TMPRSS15: variants seen among roughly 807,000 people sequenced by gnomAD.
TMPRSS15 encodes enteropeptidase.
In TMPRSS15, 128 loss-of-function variants were observed where a neutral mutation model predicts 125.3. The observed-to-expected ratio is 1.02, with a 90% CI of 0.89 to 1.18. The LOEUF (loss-of-function observed/expected upper bound fraction) is 1.18. Among genes scored for constraint, TMPRSS15 ranks in the 50% most tolerant of loss-of-function variants. The probability of loss-of-function intolerance (pLI) is 0.00; values close to 1 mark genes in which losing one functional copy is unlikely to be tolerated. For synonymous variants in TMPRSS15, 446 were observed against 423.2 expected, an observed-to-expected ratio of 1.05 and a Z score of -0.66; for missense variants, 1,283 against 1,212.7, an observed-to-expected ratio of 1.06 and a Z score of -0.86.
intron 1 of TMPRSS15, among the ~76,000 whole-genome samples, chr21:18,481,770 G>C (rs1317873276): frequency 6.6e-6 from 1 of 151,354 alleles, no homozygotes; most frequent in Non-Finnish European, 1.5e-5. Context: ...TCTTTGCATA[G>C]CAATAATAGG....
At position 18,297,821 on chromosome 21, in the gene TMPRSS15, T is replaced by A. The variant is rs2074924402; in HGVS notation, c.2174A>T (p.Asn725Ile). 1 of 1,610,950 alleles carries A rather than the reference T, an allele frequency of 6.2e-7. No individual in the cohort carries two copies. The highest frequency in any genetic ancestry group is 8.5e-7 in the Non-Finnish European group (1 of 1,177,454). The change falls in exon 19 of 25, where the codon AAC becomes ATC. Residue 725 changes from asparagine to isoleucine, a missense_variant. By Grantham distance (149) the Asn-to-Ile change is moderately radical (BLOSUM62 -3). Coordinates refer to ENST00000284885, the MANE Select transcript of TMPRSS15 (RefSeq NM_002772.3). ...VCQLLGLGSGNSSKPIFPTDG... is the reference protein window; with the variant it reads ...VCQLLGLGSGISSKPIFPTDG... The stretch of plus-strand genomic sequence containing the variant: ...GGTAGGGAAGATTGGCTTTGATGAG[T>A]TTCCACTCCTAGAGAAAAAAGAAAA...
At position 18,372,098 on chromosome 21, in the gene TMPRSS15, ATGTGTGTG is replaced by A. The variant is rs56932398; in HGVS notation, c.664+87_664+94del. ...GTAGTTTCAGGTATTTGAGATTAGA[ATGTGTGTG>A]TGTGTGTGTGTGTGTGTGTGTGTGT... On this transcript the variant is annotated intron_variant, in intron 6 of 24. Transcript: ENST00000284885. The A allele has an allele frequency of 7.5e-4, 404 of 538,692 alleles. 1 individual carries two copies. Among genetic ancestry groups the A allele is most frequent in the African/African-American group, 2.2e-3 (104 of 48,198 alleles). The allele number at this position is 538,692 out of a possible 1,614,324, so 33.4% of individuals were successfully genotyped here.
intron 2 of TMPRSS15, 55 bp from the exon 3 acceptor site, chr21:18,398,001 G>T: frequency 7.5e-7 from 1 of 1,324,926 alleles, no homozygotes; most frequent in Non-Finnish European, 1.1e-6. Flanking sequence ...TTTAACTTTT[G>T]TTGAAAAATT....
chr21:18,383,066 C>T (rs529094800), intron 4 of TMPRSS15, among the ~76,000 whole-genome samples: 12 of 152,188 alleles, frequency 7.9e-5, no homozygotes, highest in Admixed American at 6.6e-4. Context: ...AGAAATCGGA[C>T]CTTGCCACTG....
At chr21:18,377,084 C>T (rs1222182083) in intron 5 of TMPRSS15, among the ~76,000 whole-genome samples, 4 of 151,976 alleles carry the variant, frequency 2.6e-5, no homozygotes, top group Non-Finnish European at 4.4e-5. Context: ...TAGTATCTTG[C>T]CGTATGAGAG....
intron 1 of TMPRSS15, among the ~76,000 whole-genome samples, chr21:18,437,012 G>T (rs1322387135): frequency 7.9e-6 from 1 of 126,316 alleles, no homozygotes; most frequent in Non-Finnish European, 1.7e-5. Context: ...AGCCCGCATC[G>T]CCAAGTCAAT....
chr21:18,464,108 G>T (rs1227650490), intron 1 of TMPRSS15, among the ~76,000 whole-genome samples: 1 of 147,484 alleles, frequency 6.8e-6, no homozygotes, highest in Admixed American at 6.9e-5. Flanking sequence ...GGGAGGCAGA[G>T]CTTGCAGTGA....
chr21:18,285,898 T>C (rs888847059), intron 21 of TMPRSS15, among the ~76,000 whole-genome samples: 3 of 152,228 alleles, frequency 2.0e-5, no homozygotes, highest in Non-Finnish European at 4.4e-5. Context: ...TAATTTTTCT[T>C]CCTTTTCATG....
In TMPRSS15 at chr21:18,388,370, A is replaced by G. The variant is rs556097761; in HGVS notation, c.345-4592T>C. Reference sequence around the variant, plus strand: ...GGTGATTTTGTCATCTAGAGAAATAAAAGATTACTTACTAAATATCAGAAA... The same window carrying G: ...GGTGATTTTGTCATCTAGAGAAATAGAAGATTACTTACTAAATATCAGAAA... On this transcript the variant is annotated intron_variant, in intron 3 of 24. Transcript: ENST00000284885. Among the ~76,000 whole-genome samples, 29 of 152,318 alleles carry G rather than the reference A, an allele frequency of 1.9e-4. 1 individual carries two copies. In the South Asian group the frequency reaches 5.4e-3, roughly 28 times the overall value.
At chr21:18,282,052 T>G (rs1273093264) in intron 21 of TMPRSS15, among the ~76,000 whole-genome samples, 1 of 130,126 alleles carries the variant, frequency 7.7e-6, no homozygotes, top group Non-Finnish European at 1.5e-5. Flanking sequence ...GAGCCGAGAT[T>G]GCGCCACTGC....
intron 1 of TMPRSS15, among the ~76,000 whole-genome samples, chr21:18,402,267 C>T (rs2076101754): frequency 2.0e-5 from 3 of 152,124 alleles, no homozygotes; most frequent in Admixed American, 1.3e-4. Flanking sequence ...TACGGTGGCT[C>T]ATGCCTGTAA....
intron 5 of TMPRSS15, among the ~76,000 whole-genome samples, chr21:18,376,292 C>A (rs1037679006): frequency 6.6e-6 from 1 of 151,724 alleles, no homozygotes; most frequent in African/African-American, 2.4e-5. Flanking sequence ...AGTCTTGATA[C>A]CATGTGAGTA....
rs1450950748 is a variant in TMPRSS15 at position 18,332,265 on chromosome 21, T to C, written c.1565-92A>G. 2.6e-6 allele frequency: 3 copies of C among 1,165,346 alleles called. No homozygotes were observed. The East Asian group carries it at 7.0e-5, about 27-fold the overall frequency. 72.2% of individuals were successfully genotyped at this position (1,165,346 alleles called of 1,614,324 possible). ...GCCAGCGAATTTTCAATTACATTTC[T>C]TAGAATACAAATTTTGGCAAGTAAA... On this transcript the variant is annotated intron_variant, in intron 13 of 24. Coordinates refer to ENST00000284885, the MANE Select transcript of TMPRSS15 (RefSeq NM_002772.3).
rs2076057875 is a variant in TMPRSS15 at position 18,398,192 on chromosome 21, C to G, written c.276+7G>C. On this transcript the variant is annotated splice_region_variant and intron_variant, in intron 2 of 24. Transcript: ENST00000284885. Reference sequence around the variant, plus strand: ...ATAAAATTTGAAACCAGCTGTCAGTCTCCTACCATTTGCTGAAGGTCAAAA... The same window carrying G: ...ATAAAATTTGAAACCAGCTGTCAGTGTCCTACCATTTGCTGAAGGTCAAAA... 1 of 1,613,614 alleles carries G rather than the reference C, an allele frequency of 6.2e-7. No homozygotes were observed. The highest frequency in any genetic ancestry group is 8.5e-7 in the Non-Finnish European group (1 of 1,179,762).
At chr21:18,321,645 C>T (rs1315103689) in intron 16 of TMPRSS15, among the ~76,000 whole-genome samples, 3 of 152,110 alleles carry the variant, frequency 2.0e-5, no homozygotes, top group Admixed American at 1.3e-4. Context: ...GCCACGTGCC[C>T]GGCCGCAAAA....
chr21:18,351,258 T>C (rs2075565543), intron 10 of TMPRSS15, among the ~76,000 whole-genome samples: 1 of 152,166 alleles, frequency 6.6e-6, no homozygotes, highest in Non-Finnish European at 1.5e-5. Flanking sequence ...ACTATTTTAT[T>C]CAGTCAATAA....
chr21:18,274,893 A>G (rs933834996), intron 24 of TMPRSS15, among the ~76,000 whole-genome samples: 3 of 152,204 alleles, frequency 2.0e-5, no homozygotes, highest in Non-Finnish European at 4.4e-5. Context: ...GCTTTTAGAT[A>G]AGGTGCACAC....
intron 6 of TMPRSS15, among the ~76,000 whole-genome samples, chr21:18,371,653 C>T (rs2075792964): frequency 6.6e-6 from 1 of 152,048 alleles, no homozygotes; most frequent in South Asian, 2.1e-4. Context: ...AGTTCTTATT[C>T]ATATCTTATT....
At chr21:18,439,372 A>T (rs2076236055) in intron 1 of TMPRSS15, among the ~76,000 whole-genome samples, 1 of 152,216 alleles carries the variant, frequency 6.6e-6, no homozygotes, top group African/African-American at 2.4e-5. Flanking sequence ...TTAGTTGATG[A>T]TAACAATGCA....
Sources: allele counts gnomAD v4.1 joint callset (sites outside exome capture counted in the v4.1 genomes callset), GRCh38; gene constraint gnomAD v4.1.1; transcripts MANE v1.5; gene names NCBI Gene and HGNC (gene_info 2026-07-23, HGNC 2026-07-21).